The following DUSP4 variants were observed in gnomAD, a reference collection of about 807,000 sequenced individuals.
DUSP4 encodes the protein dual specificity phosphatase 4, also known as dual specificity protein phosphatase 4.
DUSP4 carries 12 observed loss-of-function variants against 27.2 expected under a neutral mutation model. The ratio of observed to expected loss-of-function variants is 0.44; its 90% CI spans 0.28 to 0.71. The LOEUF (loss-of-function observed/expected upper bound fraction) is 0.71, where lower values mean the gene tolerates loss of function less well. DUSP4 is among the 30% of genes least tolerant of loss of function. DUSP4 has a pLI of 0.14. For synonymous variants in DUSP4, 257 were observed against 245.2 expected, an observed-to-expected ratio of 1.05 and a Z score of -0.45; for missense variants, 448 against 551.3, an observed-to-expected ratio of 0.81 and a Z score of 1.88.
chr8:29,348,717 G>GC, intron 1 of DUSP4: 1 of 985,608 alleles, frequency 1.0e-6, no homozygotes, highest in East Asian at 1.1e-4. Context: ...CGGAAGAGGA[G>GC]CGGAAAGGAA....
At position 29,338,444 on chromosome 8, in the gene DUSP4, G is replaced by A. The variant is rs900927930; in HGVS notation, c.637C>T (p.Arg213Trp). The A allele has an allele frequency of 8.1e-6, 13 of 1,614,012 alleles. No individual in the cohort carries two copies. The highest frequency in any genetic ancestry group is 2.7e-5 in the African/African-American group (2 of 74,914). Residue 213 changes from arginine (R) to tryptophan (W), a missense_variant, in exon 3 of 4, where the codon CGG becomes TGG. Physicochemically the swap from Arg to Trp is moderately radical, Grantham distance 101 (BLOSUM62 -3). This residue lies in a region of DUSP4 where 345 missense variants were observed against 394.0 expected (regional missense o/e 0.88). Coordinates refer to ENST00000240100, the MANE Select transcript of DUSP4 (RefSeq NM_001394.7). ...LYLGSAYHAA[R>W]RDMLDALGIT... is the part of the protein sequence containing the mutation. ...CCCAGGGCGTCCAGCATGTCTCTCC[G>A]GGCAGCATGGTAGGCACTGCCGAGG...
In DUSP4 at chr8:29,350,452, C is replaced by G. The variant is rs773316305; in HGVS notation, c.-174G>C. 2.6e-6 allele frequency: 2 copies of G among 779,708 alleles called. No homozygotes were observed. The highest frequency in any genetic ancestry group is 6.4e-5 in the Admixed American group (2 of 31,232). 48.3% of individuals were successfully genotyped at this position (779,708 alleles called of 1,614,324 possible). A position where few individuals can be genotyped will look rare whatever the true frequency, so the allele number is the denominator to read the frequency against. On this transcript the variant is annotated 5_prime_UTR_variant, in exon 1 of 4. Transcript: ENST00000240100. ...CTCTTCTTCCCTGTCCCCTTCCTCC[C>G]GCAGCCTCGCGGTCACATAGCAGTC... is the stretch of plus-strand genomic sequence containing the variant.
Position 29,350,182 on chromosome 8 carries a change from TGCCGCTGCCGCCCGC to T in DUSP4, c.82_96del (p.Ala28_Gly32del). 1 of 1,607,292 alleles carries T rather than the reference TGCCGCTGCCGCCCGC, an allele frequency of 6.2e-7. No homozygotes were observed. Among genetic ancestry groups the T allele is most frequent in the Non-Finnish European group, 8.5e-7 (1 of 1,177,868 alleles). ...CTCGGCAGCCCCAGGGTGCCGTGGCTGCCGCTGCCGCCCGCGCCGCCGCCATTCTCGTCCCGGTTC... is the reference window on the plus strand; with the variant it reads ...CTCGGCAGCCCCAGGGTGCCGTGGCTGCCGCCGCCATTCTCGTCCCGGTTC... On this transcript the variant is annotated inframe_deletion, in exon 1 of 4. Coordinates refer to ENST00000240100, the MANE Select transcript of DUSP4 (RefSeq NM_001394.7).
In DUSP4 at chr8:29,334,085, C is replaced by A. The variant is rs375984116; in HGVS notation, c.*2941G>T. 1.3e-5 allele frequency: 2 copies of A among 152,242 alleles called. No individual in the cohort carries two copies. The highest frequency in any genetic ancestry group is 4.1e-4 in the South Asian group (2 of 4,834). 9.4% of individuals were successfully genotyped at this position (152,242 alleles called of 1,614,324 possible). A position where few individuals can be genotyped will look rare whatever the true frequency, so the allele number is the denominator to read the frequency against. On this transcript the variant is annotated 3_prime_UTR_variant, in exon 4 of 4. Coordinates refer to ENST00000240100, the MANE Select transcript of DUSP4 (RefSeq NM_001394.7). ...AAAACTTGGTCCATTTCCCCCAGGG[C>A]TCCTCAACACACACCCCTGGGTCAG... is the stretch of plus-strand genomic sequence containing the variant.
rs137874805 is a variant in DUSP4 at position 29,337,721 on chromosome 8, C to A, written c.800-310G>T. 7.7e-3 allele frequency among the ~76,000 whole-genome samples: 1,179 copies of A among 152,198 alleles called. 25 individuals are homozygous for A. Among genetic ancestry groups the A allele is most frequent in the African/African-American group, 0.027 (1,131 of 41,536 alleles). On this transcript the variant is annotated intron_variant, in intron 3 of 3. Coordinates refer to ENST00000240100, the MANE Select transcript of DUSP4 (RefSeq NM_001394.7). This position sits in a 1 kb window ranked among gnomAD's most constrained non-coding sequence, Gnocchi z 6.4. Reference sequence around the variant, plus strand: ...CTGTAATCCCAGCGCTTTGGGAGGCCAAGGAGGGTGGATAACTTGAGCTCA... The same window carrying A: ...CTGTAATCCCAGCGCTTTGGGAGGCAAAGGAGGGTGGATAACTTGAGCTCA...
rs1817569336 is a variant in DUSP4 at position 29,336,135 on chromosome 8, C to T, written c.*891G>A. On this transcript the variant is annotated 3_prime_UTR_variant, in exon 4 of 4. Transcript: ENST00000240100. ...CAATTCAAACCTAATTCTTCCCTTT[C>T]TTCCTCCTCCCACCCAACCCGCCTG... is the stretch of plus-strand genomic sequence containing the variant. The T allele has an allele frequency of 6.6e-6, 1 of 151,340 alleles. No homozygotes were observed. Among genetic ancestry groups the T allele is most frequent in the South Asian group, 2.1e-4 (1 of 4,760 alleles). 9.4% of individuals were successfully genotyped at this position (151,340 alleles called of 1,614,324 possible).
At chr8:29,346,811 C>T (rs1210791100) in intron 1 of DUSP4, among the ~76,000 whole-genome samples, 1 of 152,172 alleles carries the variant, frequency 6.6e-6, no homozygotes, top group African/African-American at 2.4e-5. Flanking sequence ...GTTGAAGTAA[C>T]CCTTCAACGT....
In DUSP4 at chr8:29,333,081, AT is replaced by A. The variant is rs1179362130; in HGVS notation, c.*3944del. ...GCCAGAAGTGGTTGAAAATGTATTT[AT>A]TTTTTTCAAATGATCTTTTTCAAGC... On this transcript the variant is annotated 3_prime_UTR_variant, in exon 4 of 4. Coordinates refer to ENST00000240100, the MANE Select transcript of DUSP4 (RefSeq NM_001394.7). The A allele has an allele frequency of 6.6e-6, 1 of 152,048 alleles. No homozygotes were observed. The highest frequency in any genetic ancestry group is 1.9e-4 in the East Asian group (1 of 5,188). The allele number at this position is 152,048 out of a possible 1,614,324, so 9.4% of individuals were successfully genotyped here.
At chr8:29,347,969 G>C in intron 1 of DUSP4, 1 of 985,498 alleles carries the variant, frequency 1.0e-6, no homozygotes, top group Non-Finnish European at 1.2e-6. Context: ...TCTCTCCCCG[G>C]GAGCGGGGCC....
Position 29,333,750 on chromosome 8 carries a change from G to C in DUSP4, c.*3276C>G, listed in dbSNP as rs1817529520. 6.6e-6 allele frequency: 1 copy of C among 152,238 alleles called. No homozygotes were observed. Among genetic ancestry groups the C allele is most frequent in the South Asian group, 2.1e-4 (1 of 4,826 alleles). The allele number at this position is 152,238 out of a possible 1,614,324, so 9.4% of individuals were successfully genotyped here. ...CCTAGAATTGGTTGAACTGGTCTAG[G>C]AGAGCCTGGGTATCAGAACTGTATA... On this transcript the variant is annotated 3_prime_UTR_variant, in exon 4 of 4. Coordinates refer to ENST00000240100, the MANE Select transcript of DUSP4 (RefSeq NM_001394.7).
Position 29,337,026 on chromosome 8 carries a change from C to G in DUSP4, c.1185G>C (p.Ter395TyrextTer16). ...HSPITTSPSC[*>Y] ...TGGTTCTGGGGCCCCCAGGGCGGCT[C>G]TAACAGCTGGGAGAGGTGGTGATGG... is the stretch of plus-strand genomic sequence containing the variant. Residue 395 changes from the stop codon to tyrosine (Y), a stop_lost, in exon 4 of 4, where the codon TAG (stop) becomes TAC (tyrosine). Coordinates refer to ENST00000240100, the MANE Select transcript of DUSP4 (RefSeq NM_001394.7). This position sits in a 1 kb window ranked among gnomAD's most constrained non-coding sequence, Gnocchi z 6.4. 6.3e-7 allele frequency: 1 copy of G among 1,595,060 alleles called. No individual in the cohort carries two copies. The highest frequency in any genetic ancestry group is 8.5e-7 in the Non-Finnish European group (1 of 1,171,110).
chr8:29,338,613 C>T (rs1484014746), intron 2 of DUSP4, 112 bp from the exon 3 acceptor site: 14 of 1,231,912 alleles, frequency 1.1e-5, no homozygotes, highest in Admixed American at 8.6e-5. Context: ...AGGGAGAATG[C>T]CTGCTGGGCC....
Position 29,337,372 on chromosome 8 carries a change from C to A in DUSP4, c.839G>T (p.Cys280Phe). The A allele has an allele frequency of 6.2e-7, 1 of 1,609,980 alleles. No homozygotes were observed. The highest frequency in any genetic ancestry group is 8.5e-7 in the Non-Finnish European group (1 of 1,179,858). Residue 280 changes from cysteine (C) to phenylalanine (F), a missense_variant, in exon 4 of 4, where the codon TGC becomes TTC. Physicochemically the swap from Cys to Phe is radical, Grantham distance 205 (BLOSUM62 -2). Coordinates refer to ENST00000240100, the MANE Select transcript of DUSP4 (RefSeq NM_001394.7). This position sits in a 1 kb window ranked among gnomAD's most constrained non-coding sequence, Gnocchi z 6.4. ...KDCRGRVLVH[C>F]QAGISRSATI... ...GGCCGACCGCGAGATGCCCGCCTGG[C>A]AGTGCACCAGCACGCGCCCACGGCA...
At chr8:29,342,665 C>T (rs553739323) in intron 1 of DUSP4, among the ~76,000 whole-genome samples, 261 of 152,248 alleles carry the variant, frequency 1.7e-3, no homozygotes, top group Middle Eastern at 6.8e-3. Context: ...GACCTGGCAC[C>T]GGCTGCTGGC....
Position 29,336,712 on chromosome 8 carries a change from AG to A in DUSP4, c.*313del, listed in dbSNP as rs375478020. The A allele has an allele frequency of 4.2e-4, 122 of 293,732 alleles. No homozygotes were observed. Among genetic ancestry groups the A allele is most frequent in the Middle Eastern group, 9.8e-4 (1 of 1,024 alleles). 18.2% of individuals were successfully genotyped at this position (293,732 alleles called of 1,614,324 possible). A position where few individuals can be genotyped will look rare whatever the true frequency, so the allele number is the denominator to read the frequency against. ...AGGATCTGTGGGTTTCATCACTTCA[AG>A]CCTTACTGCTTAAAAAAATGAGGTA... On this transcript the variant is annotated 3_prime_UTR_variant, in exon 4 of 4. Transcript: ENST00000240100.
At chr8:29,340,574 GA>G (rs1377950041) in intron 1 of DUSP4, among the ~76,000 whole-genome samples, 1 of 152,178 alleles carries the variant, frequency 6.6e-6, no homozygotes, top group Non-Finnish European at 1.5e-5. Flanking sequence ...TGACAAAATA[GA>G]GAAGCAAAGG....
rs1446339984 is a variant in DUSP4 at position 29,334,547 on chromosome 8, A to G, written c.*2479T>C. The G allele has an allele frequency of 1.3e-5, 2 of 152,210 alleles. No individual in the cohort carries two copies. Among genetic ancestry groups the G allele is most frequent in the African/African-American group, 4.8e-5 (2 of 41,444 alleles). The allele number at this position is 152,210 out of a possible 1,614,324, so 9.4% of individuals were successfully genotyped here. On this transcript the variant is annotated 3_prime_UTR_variant, in exon 4 of 4. Coordinates refer to ENST00000240100, the MANE Select transcript of DUSP4 (RefSeq NM_001394.7). The stretch of plus-strand genomic sequence containing the variant: ...TCGCTGGAGCTAGTCCTGAGTTCCG[A>G]CTGTCCCTGTGGTGGGAATCCAGTC...
In DUSP4 at chr8:29,333,318, G is replaced by C. The variant is rs1236472088; in HGVS notation, c.*3708C>G. 1.3e-5 allele frequency: 2 copies of C among 152,242 alleles called. No homozygotes were observed. Among genetic ancestry groups the C allele is most frequent in the African/African-American group, 2.4e-5 (1 of 41,454 alleles). The allele number at this position is 152,242 out of a possible 1,614,324, so 9.4% of individuals were successfully genotyped here. On this transcript the variant is annotated 3_prime_UTR_variant, in exon 4 of 4. Coordinates refer to ENST00000240100, the MANE Select transcript of DUSP4 (RefSeq NM_001394.7). ...TGAATAACTCATAAACTCTAAGGGA[G>C]AGAGAGTACTGGTGGGGAAGCGGGG... is the stretch of plus-strand genomic sequence containing the variant.
intron 1 of DUSP4, among the ~76,000 whole-genome samples, chr8:29,349,543 G>A (rs1021891379): frequency 2.0e-5 from 3 of 152,208 alleles, no homozygotes; most frequent in Non-Finnish European, 4.4e-5. Flanking sequence ...AAGATGGACC[G>A]CGCAGAGGAG....
Sources: allele counts gnomAD v4.1 joint callset (sites outside exome capture counted in the v4.1 genomes callset), GRCh38; gene constraint gnomAD v4.1.1; regional missense constraint gnomAD v4.1.1; non-coding constraint Gnocchi (gnomAD v3.1); transcripts MANE v1.5; gene names NCBI Gene and HGNC (gene_info 2026-07-23, HGNC 2026-07-21).